TSPAN5: variants seen among roughly 807,000 people sequenced by gnomAD.
TSPAN5 encodes the protein tetraspanin 5.
Under a neutral mutation model 37.1 loss-of-function variants are expected in TSPAN5, and 10 were observed. The observed-to-expected ratio is 0.27, with a 90% CI of 0.17 to 0.46. The LOEUF is 0.46. TSPAN5 is among the 20% of genes least tolerant of loss of function. The pLI is 1.00. For missense variants in TSPAN5, 195 were observed against 326.6 expected (o/e 0.60, Z 3.11); for synonymous variants, 110 against 118.9 (o/e 0.93, Z 0.48).
intron 2 of TSPAN5, among the ~76,000 whole-genome samples, chr4:98,493,132 A>G (rs1056502946): frequency 1.3e-5 from 2 of 152,186 alleles, no homozygotes; most frequent in African/African-American, 2.4e-5. Flanking sequence ...AGCCATGATC[A>G]CATCACTGCA....
intron 1 of TSPAN5, among the ~76,000 whole-genome samples, chr4:98,612,372 G>C (rs1247192771): frequency 1.3e-5 from 2 of 152,268 alleles, no homozygotes; most frequent in Non-Finnish European, 2.9e-5. Context: ...TGAAAAGGCT[G>C]GAAGACAACA....
chr4:98,650,047 T>A (rs961369653), intron 1 of TSPAN5, among the ~76,000 whole-genome samples: 35 of 152,218 alleles, frequency 2.3e-4, no homozygotes, highest in African/African-American at 4.8e-5. Flanking sequence ...TTTGGAAGAC[T>A]CTTTGAGATG....
rs1236375739 is a variant in TSPAN5 at position 98,482,005 on chromosome 4, A to G, written c.450T>C (p.Tyr150=). The G allele has an allele frequency of 1.2e-6, 2 of 1,613,560 alleles. No individual in the cohort carries two copies. The highest frequency in any genetic ancestry group is 1.3e-5 in the African/African-American group (1 of 74,906). Residue 150 remains tyrosine, a splice_region_variant and synonymous_variant, in exon 4 of 8, where the codon TAT becomes TAC. Transcript: ENST00000305798. ...LQNLIDFTQE[Y]WQCCGAFGAD... ...TGAAAACAAACCACTTTAAACTTAC[A>G]TATTCCTGGGTGAAGTCTATGAGGT...
chr4:98,608,368 A>G (rs1382902700), intron 1 of TSPAN5, among the ~76,000 whole-genome samples: 1 of 152,126 alleles, frequency 6.6e-6, no homozygotes, highest in African/African-American at 2.4e-5. Context: ...GCATTCACAG[A>G]CCCCTGGCCC....
At chr4:98,607,023 T>G (rs846012) in intron 1 of TSPAN5, among the ~76,000 whole-genome samples, 139,333 of 151,928 alleles carry the variant, frequency 0.92, 64,193 homozygotes, top group Non-Finnish European at 0.97. Flanking sequence ...GTGAGGCAGT[T>G]GGGGGAAGGG....
At chr4:98,599,281 C>T (rs537271701) in intron 1 of TSPAN5, among the ~76,000 whole-genome samples, 119 of 152,186 alleles carry the variant, frequency 7.8e-4, no homozygotes, top group African/African-American at 2.5e-3. Context: ...GGTAAGACTA[C>T]GTGCACATGC....
At chr4:98,484,522 G>A (rs998109521) in intron 3 of TSPAN5, 2 of 456,144 alleles carry the variant, frequency 4.4e-6, no homozygotes, top group African/African-American at 4.0e-5. Flanking sequence ...TTTCCAACAT[G>A]AGACTTTATA....
chr4:98,494,920 G>C (rs560800122), intron 2 of TSPAN5, among the ~76,000 whole-genome samples: 2 of 152,288 alleles, frequency 1.3e-5, no homozygotes, highest in Admixed American at 6.5e-5. Flanking sequence ...GCAGAAGAGG[G>C]AGGCCATGAG....
intron 7 of TSPAN5, among the ~76,000 whole-genome samples, chr4:98,475,429 C>T (rs1011874911): frequency 6.6e-6 from 1 of 152,202 alleles, no homozygotes; most frequent in Non-Finnish European, 1.5e-5. Flanking sequence ...GTGCTCCCTT[C>T]CTTCACTAGC....
chr4:98,532,008 T>G (rs1256090258), intron 1 of TSPAN5, among the ~76,000 whole-genome samples: 2 of 152,226 alleles, frequency 1.3e-5, no homozygotes, highest in Non-Finnish European at 1.5e-5. Flanking sequence ...CCTTGTAGGT[T>G]GCCTGTTCAC....
At chr4:98,625,874 T>C (rs1046184221) in intron 1 of TSPAN5, among the ~76,000 whole-genome samples, 2 of 152,270 alleles carry the variant, frequency 1.3e-5, no homozygotes, top group South Asian at 4.1e-4. Flanking sequence ...ATTAGATCTT[T>C]CTGTGCCAGG....
chr4:98,598,466 G>GTT (rs369060559), intron 1 of TSPAN5, among the ~76,000 whole-genome samples: 2,712 of 148,170 alleles, frequency 0.018, 69 homozygotes, highest in African/African-American at 0.063. Flanking sequence ...CCTCCCTCCT[G>GTT]TTTTTTTTTT....
chr4:98,625,608 C>G (rs960292743), intron 1 of TSPAN5, among the ~76,000 whole-genome samples: 1 of 152,228 alleles, frequency 6.6e-6, no homozygotes, highest in Non-Finnish European at 1.5e-5. Flanking sequence ...AATGAAATGT[C>G]AAGCCAGATC....
intron 1 of TSPAN5, among the ~76,000 whole-genome samples, chr4:98,603,928 G>A (rs984970321): frequency 4.6e-5 from 7 of 152,114 alleles, no homozygotes; most frequent in South Asian, 4.1e-4. Context: ...AAGACAGCCC[G>A]ATCCTAATGG....
intron 1 of TSPAN5, among the ~76,000 whole-genome samples, chr4:98,544,309 C>A (rs1194140275): frequency 4.6e-5 from 7 of 152,158 alleles, no homozygotes; most frequent in Non-Finnish European, 7.3e-5. Context: ...TGGCTCCAGA[C>A]CCACAATTCT....
intron 1 of TSPAN5, among the ~76,000 whole-genome samples, chr4:98,624,938 G>C (rs191295578): frequency 6.6e-6 from 1 of 152,248 alleles, no homozygotes; most frequent in African/African-American, 2.4e-5. Context: ...AGGCATTAAT[G>C]AACGTATTTT....
chr4:98,554,418 T>C (rs1157124797), intron 1 of TSPAN5, among the ~76,000 whole-genome samples: 1 of 152,200 alleles, frequency 6.6e-6, no homozygotes, highest in Non-Finnish European at 1.5e-5. Flanking sequence ...TGAACCATTA[T>C]GGAGAAAGCT....
At chr4:98,495,524 T>C (rs1578945804) in intron 2 of TSPAN5, among the ~76,000 whole-genome samples, 4 of 75,700 alleles carry the variant, frequency 5.3e-5, no homozygotes, top group South Asian at 6.6e-4. Flanking sequence ...AGAGAGAGCC[T>C]CCGTCTCAAA....
intron 1 of TSPAN5, among the ~76,000 whole-genome samples, chr4:98,585,905 C>T (rs966768228): frequency 6.6e-6 from 1 of 152,200 alleles, no homozygotes; most frequent in African/African-American, 2.4e-5. Flanking sequence ...AACTTGCAGG[C>T]TACATATTCA....
Sources: allele counts gnomAD v4.1 joint callset (sites outside exome capture counted in the v4.1 genomes callset), GRCh38; gene constraint gnomAD v4.1.1; transcripts MANE v1.5; gene names NCBI Gene and HGNC (gene_info 2026-07-23, HGNC 2026-07-21).